The following NBAS variants were observed in gnomAD, a reference collection of about 807,000 sequenced individuals.
NBAS encodes NBAS subunit of NRZ tethering complex, also known as NAG/BC035112 fusion.
NBAS carries 219 observed loss-of-function variants against 302.5 expected under a neutral mutation model. That is an observed-to-expected ratio of 0.72 (90% CI 0.65 to 0.81). The LOEUF is 0.81. NBAS is among the 30% of genes least tolerant of loss of function. The pLI is 0.00. For missense variants in NBAS, 2,932 were observed against 2,841.6 expected (o/e 1.03, Z -0.72); for synonymous variants, 1,118 against 1,021.6 (o/e 1.09, Z -1.80).
chr2:15,531,427 G>A (rs1191787436), intron 9 of NBAS, among the ~76,000 whole-genome samples: 2 of 152,116 alleles, frequency 1.3e-5, no homozygotes, highest in African/African-American at 4.8e-5. Context: ...AGAAAGTTCT[G>A]AGACCTCTTC....
the NBAS span, among the ~76,000 whole-genome samples, chr2:14,888,601 T>G: frequency 6.6e-6 from 1 of 152,210 alleles, no homozygotes; most frequent in African/African-American, 2.4e-5. Context: ...TTTTTTAATA[T>G]CAACACTGTC....
chr2:14,967,504 T>G, the NBAS span, among the ~76,000 whole-genome samples: 1 of 152,158 alleles, frequency 6.6e-6, no homozygotes, highest in Non-Finnish European at 1.5e-5. Flanking sequence ...TAATGACCAA[T>G]TATTGACAAA....
chr2:14,784,295 T>C, the NBAS span, among the ~76,000 whole-genome samples: 1 of 152,240 alleles, frequency 6.6e-6, no homozygotes, highest in African/African-American at 2.4e-5. Flanking sequence ...GTAGTTTCTT[T>C]TGCTGTGCAG....
At chr2:15,527,882 A>G (rs1662998904) in intron 9 of NBAS, among the ~76,000 whole-genome samples, 2 of 152,142 alleles carry the variant, frequency 1.3e-5, no homozygotes, top group Admixed American at 6.5e-5. Flanking sequence ...ATCATCTAAG[A>G]GTCACCCAGC....
intron 48 of NBAS, among the ~76,000 whole-genome samples, chr2:15,217,595 C>T (rs933059014): frequency 6.6e-6 from 1 of 152,204 alleles, no homozygotes; most frequent in African/African-American, 2.4e-5. Flanking sequence ...CTGGGAAGTC[C>T]TAATTTGTAA....
chr2:14,782,293 C>A, the NBAS span, among the ~76,000 whole-genome samples: 66 of 152,080 alleles, frequency 4.3e-4, no homozygotes, highest in Admixed American at 1.9e-3. Flanking sequence ...AAAAAATGGG[C>A]AAAATACATG....
the NBAS span, among the ~76,000 whole-genome samples, chr2:14,851,472 T>C: frequency 1.3e-5 from 2 of 148,656 alleles, no homozygotes; most frequent in Admixed American, 6.7e-5. Context: ...CAGGACCAGA[T>C]GGATTCACAG....
chr2:15,028,906 C>T, the NBAS span, among the ~76,000 whole-genome samples: 19 of 152,290 alleles, frequency 1.2e-4, no homozygotes, highest in South Asian at 3.9e-3. Context: ...CTTTCTCTCT[C>T]CCCAGTCTAG....
the NBAS span, among the ~76,000 whole-genome samples, chr2:14,877,463 T>C: frequency 6.6e-5 from 10 of 152,320 alleles, no homozygotes; most frequent in African/African-American, 2.4e-4. Flanking sequence ...TGTTACTATT[T>C]GACTCTAGTT....
chr2:15,167,395 C>T (rs1664080643), intron 51 of NBAS, 72 bp from the exon 52 acceptor site: 1 of 1,555,384 alleles, frequency 6.4e-7, no homozygotes, highest in African/African-American at 1.4e-5. Flanking sequence ...ATCCCTCGCT[C>T]TCCACTGGGC....
chr2:15,258,492 T>C (rs1456902016), intron 44 of NBAS, among the ~76,000 whole-genome samples: 5 of 152,054 alleles, frequency 3.3e-5, no homozygotes, highest in South Asian at 2.1e-4. Context: ...GGAATATTAA[T>C]ATTAATACCC....
At chr2:15,408,679 T>C (rs1239968588) in intron 25 of NBAS, among the ~76,000 whole-genome samples, 1 of 152,238 alleles carries the variant, frequency 6.6e-6, no homozygotes, top group Admixed American at 6.5e-5. Flanking sequence ...GTATACTATG[T>C]GGCTTAAAGA....
chr2:15,349,902 G>A (rs1390176933), intron 35 of NBAS, among the ~76,000 whole-genome samples: 5 of 152,184 alleles, frequency 3.3e-5, no homozygotes, highest in African/African-American at 7.2e-5. Context: ...ATGATGAACA[G>A]TGCAGGTATG....
At chr2:15,388,184 C>G (rs1478970977) in intron 28 of NBAS, among the ~76,000 whole-genome samples, 2 of 152,124 alleles carry the variant, frequency 1.3e-5, no homozygotes, top group African/African-American at 4.8e-5. Context: ...TTTAATGGAT[C>G]TCAACAATGT....
the NBAS span, among the ~76,000 whole-genome samples, chr2:14,891,242 A>C: frequency 6.6e-6 from 1 of 152,216 alleles, no homozygotes; most frequent in Non-Finnish European, 1.5e-5. Context: ...GACAAACCCA[A>C]TTAGGAAAAT....
the NBAS span, among the ~76,000 whole-genome samples, chr2:14,992,107 G>C: frequency 1.8e-3 from 281 of 152,294 alleles, no homozygotes; most frequent in African/African-American, 6.6e-3. Context: ...TTGCACTTTG[G>C]AGGTTTCATG....
chr2:15,223,331 ATTT>A (rs924127128), intron 47 of NBAS, among the ~76,000 whole-genome samples: 1 of 149,358 alleles, frequency 6.7e-6, no homozygotes, highest in South Asian at 2.1e-4. Context: ...GCATGTCAGT[ATTT>A]TTTTTTTATC....
At chr2:15,215,093 C>CA (rs753911922) in intron 48 of NBAS, among the ~76,000 whole-genome samples, 8 of 152,078 alleles carry the variant, frequency 5.3e-5, no homozygotes, top group Non-Finnish European at 1.0e-4. Flanking sequence ...CTGAAAAACT[C>CA]AGATAAACCG....
At chr2:15,539,405 T>C (rs775155018) in intron 6 of NBAS, 49 bp from the exon 7 acceptor site, 7 of 1,608,184 alleles carry the variant, frequency 4.4e-6, no homozygotes, top group South Asian at 2.2e-5. Flanking sequence ...ATTACAAAGA[T>C]AGTTAATGCT....
Sources: allele counts gnomAD v4.1 joint callset (sites outside exome capture counted in the v4.1 genomes callset), GRCh38; gene constraint gnomAD v4.1.1; transcripts MANE v1.5; gene names NCBI Gene and HGNC (gene_info 2026-07-23, HGNC 2026-07-21).